CACNA2D1: variants seen among roughly 807,000 people sequenced by gnomAD.
CACNA2D1 encodes calcium voltage-gated channel auxiliary subunit alpha2delta 1.
CACNA2D1 carries 53 observed loss-of-function variants against 171.5 expected under a neutral mutation model. The ratio of observed to expected loss-of-function variants is 0.31; its 90% CI spans 0.25 to 0.39. The LOEUF (loss-of-function observed/expected upper bound fraction) is 0.39. Ranked by LOEUF, CACNA2D1 falls within the 10% of genes least tolerant of loss-of-function variation. The pLI is 1.00. For missense variants in CACNA2D1, 903 were observed against 1,299.8 expected (o/e 0.69, Z 4.69); for synonymous variants, 442 against 443.1 (o/e 1.00, Z 0.03).
intron 1 of CACNA2D1, among the ~76,000 whole-genome samples, chr7:82,369,579 G>A (rs988609219): frequency 1.3e-5 from 2 of 151,658 alleles, no homozygotes; most frequent in African/African-American, 4.8e-5. Flanking sequence ...ACTAAAACAG[G>A]CCAAGAAAAA....
intron 6 of CACNA2D1, among the ~76,000 whole-genome samples, chr7:82,099,892 A>G (rs1812462388): frequency 6.6e-6 from 1 of 152,118 alleles, no homozygotes; most frequent in Non-Finnish European, 1.5e-5. Context: ...AAGTAGTTCT[A>G]CATGGACACA....
At chr7:82,016,604 CCGCCCG>C (rs1467477738) in intron 12 of CACNA2D1, among the ~76,000 whole-genome samples, 3 of 6,928 alleles carry the variant, frequency 4.3e-4, no homozygotes, top group Non-Finnish European at 7.4e-4. Context: ...TAAACACTAG[CCGCCCG>C]CCCCCCCCCC....
intron 3 of CACNA2D1, among the ~76,000 whole-genome samples, chr7:82,264,474 A>G (rs1807551370): frequency 6.6e-6 from 1 of 152,212 alleles, no homozygotes; most frequent in Non-Finnish European, 1.5e-5. Flanking sequence ...TTTTCAAGGC[A>G]TATAGTGAAG....
intron 18 of CACNA2D1, among the ~76,000 whole-genome samples, chr7:82,000,771 C>CTTT (rs774565705): frequency 0.014 from 745 of 52,074 alleles, 23 homozygotes; most frequent in Non-Finnish European, 0.021. Context: ...ATTTTTCTTT[C>CTTT]TTTTTTTTTT....
chr7:82,361,848 C>CT (rs1324124767), intron 1 of CACNA2D1, among the ~76,000 whole-genome samples: 1 of 152,108 alleles, frequency 6.6e-6, no homozygotes, highest in Non-Finnish European at 1.5e-5. Flanking sequence ...TATATTCTCT[C>CT]TTATGGGGTA....
chr7:82,032,446 A>C (rs1387812978), intron 12 of CACNA2D1, among the ~76,000 whole-genome samples: 1 of 151,676 alleles, frequency 6.6e-6, no homozygotes, highest in Non-Finnish European at 1.5e-5. Flanking sequence ...ATAATATAAT[A>C]AATTTTATCC....
intron 5 of CACNA2D1, among the ~76,000 whole-genome samples, chr7:82,136,410 G>T (rs976991203): frequency 6.6e-6 from 1 of 151,792 alleles, no homozygotes; most frequent in Admixed American, 6.6e-5. Flanking sequence ...GTGCAGTGAG[G>T]GTTCAGATCC....
intron 1 of CACNA2D1, among the ~76,000 whole-genome samples, chr7:82,414,644 T>C (rs1234311301): frequency 1.3e-5 from 2 of 152,208 alleles, no homozygotes; most frequent in Non-Finnish European, 2.9e-5. Flanking sequence ...GCACACCACA[T>C]TGATTCAGGC....
chr7:82,412,046 CAT>C (rs1184427077), intron 1 of CACNA2D1, among the ~76,000 whole-genome samples: 3 of 152,078 alleles, frequency 2.0e-5, no homozygotes, highest in Admixed American at 6.6e-5. Context: ...TCACCAAACA[CAT>C]GACAAGTCAT....
intron 1 of CACNA2D1, among the ~76,000 whole-genome samples, chr7:82,374,990 C>G (rs80322429): frequency 6.6e-6 from 1 of 151,992 alleles, no homozygotes; most frequent in African/African-American, 2.4e-5. Context: ...AAAACAGATT[C>G]CAGTTTTCTA....
At chr7:82,250,885 C>T (rs1301939737) in intron 3 of CACNA2D1, among the ~76,000 whole-genome samples, 17 of 152,122 alleles carry the variant, frequency 1.1e-4, no homozygotes, top group Admixed American at 1.1e-3. Context: ...AAATCACTTA[C>T]AGTTTGCCAC....
intron 3 of CACNA2D1, among the ~76,000 whole-genome samples, chr7:82,244,063 G>C (rs1003445106): frequency 6.6e-6 from 1 of 152,078 alleles, no homozygotes; most frequent in African/African-American, 2.4e-5. Context: ...AGTGAGAGGG[G>C]AGTTTTCATT....
chr7:82,427,479 G>C (rs1829296902), intron 1 of CACNA2D1, among the ~76,000 whole-genome samples: 1 of 152,188 alleles, frequency 6.6e-6, no homozygotes, highest in South Asian at 2.1e-4. Context: ...TGTTACGAAG[G>C]TAGGTCTTAC....
At chr7:82,346,381 T>C (rs1819260040) in intron 2 of CACNA2D1, among the ~76,000 whole-genome samples, 1 of 152,192 alleles carries the variant, frequency 6.6e-6, no homozygotes, top group African/African-American at 2.4e-5. Context: ...GATTGTATCG[T>C]TAATCCCAAC....
chr7:82,151,508 T>G (rs3801741), intron 4 of CACNA2D1, among the ~76,000 whole-genome samples: 9,339 of 152,176 alleles, frequency 0.061, 353 homozygotes, highest in Middle Eastern at 0.14. Flanking sequence ...ATTTATCAAT[T>G]AGGCAAAGAA....
chr7:82,117,742 C>A (rs1164627760), intron 5 of CACNA2D1, among the ~76,000 whole-genome samples: 1 of 152,100 alleles, frequency 6.6e-6, no homozygotes, highest in Non-Finnish European at 1.5e-5. Flanking sequence ...GATCACATCA[C>A]CACACTCTAG....
chr7:82,334,577 G>A (rs74647265), intron 3 of CACNA2D1, among the ~76,000 whole-genome samples: 3,547 of 152,184 alleles, frequency 0.023, 131 homozygotes, highest in East Asian at 0.093. Flanking sequence ...AGTAGCTGAA[G>A]ATTACATACA....
chr7:82,160,985 T>C (rs1794894716), intron 4 of CACNA2D1, among the ~76,000 whole-genome samples: 1 of 152,052 alleles, frequency 6.6e-6, no homozygotes, highest in African/African-American at 2.4e-5. Context: ...ACTTAATATA[T>C]GTTTTATGTG....
intron 3 of CACNA2D1, among the ~76,000 whole-genome samples, chr7:82,206,337 T>G (rs950343884): frequency 1.1e-4 from 17 of 152,076 alleles, no homozygotes; most frequent in Non-Finnish European, 2.1e-4. Context: ...AAATTATCTT[T>G]CATGAATGAG....
Sources: allele counts gnomAD v4.1 joint callset (sites outside exome capture counted in the v4.1 genomes callset), GRCh38; gene constraint gnomAD v4.1.1; transcripts MANE v1.5; gene names NCBI Gene and HGNC (gene_info 2026-07-23, HGNC 2026-07-21).